The following PHAF1 variants were observed in gnomAD, a reference collection of about 807,000 sequenced individuals.
The protein encoded by PHAF1 is phagophore assembly factor 1, also known as phagosome assembly factor 1.
In PHAF1, 23 loss-of-function variants were observed where a neutral mutation model predicts 63.1. The ratio of observed to expected loss-of-function variants is 0.36; its 90% CI spans 0.26 to 0.52. The LOEUF (loss-of-function observed/expected upper bound fraction) is 0.52, where lower values mean the gene tolerates loss of function less well. PHAF1 is among the 20% of genes least tolerant of loss of function. The pLI, the probability that PHAF1 is intolerant of heterozygous loss-of-function variation, is 0.93. For missense variants in PHAF1, 427 were observed against 517.2 expected (o/e 0.83, Z 1.69); for synonymous variants, 167 against 185.0 (o/e 0.90, Z 0.79).
In PHAF1 at chr16:67,143,843, C is replaced by A. The variant is rs562992873; in HGVS notation, c.880-451C>A. On this transcript the variant is annotated intron_variant, in intron 10 of 15. Coordinates refer to ENST00000219139, the MANE Select transcript of PHAF1 (RefSeq NM_025187.5). ...GTGGCTCACACCTGTAATGCCAGCA[C>A]TTTGGGAGGCCGAGGTGGGCGGATC... Among the ~76,000 whole-genome samples, 28 of 152,176 alleles carry A rather than the reference C, an allele frequency of 1.8e-4. No individual in the cohort carries two copies. In the South Asian group the frequency reaches 5.6e-3, roughly 30 times the overall value.
At chr16:67,144,947 A>G in intron 12 of PHAF1, 70 bp downstream of exon 12, 1 of 1,551,902 alleles carries the variant, frequency 6.4e-7, no homozygotes, top group Non-Finnish European at 8.9e-7. Flanking sequence ...AAAGGGAGAA[A>G]GATCGAAGCA....
intron 3 of PHAF1, among the ~76,000 whole-genome samples, chr16:67,129,323 T>C (rs1053119346): frequency 2.6e-5 from 4 of 152,246 alleles, no homozygotes; most frequent in Admixed American, 6.5e-5. Context: ...GCTTAACTTA[T>C]TGGACCACTT....
At chr16:67,134,611 A>C (rs776498439) in intron 8 of PHAF1, 144 bp downstream of exon 8, 5 of 793,368 alleles carry the variant, frequency 6.3e-6, no homozygotes, top group Non-Finnish European at 1.1e-5. Flanking sequence ...TAAACAACAA[A>C]AATTTATTTC....
At chr16:67,139,748 A>G in intron 8 of PHAF1, 1 of 514,504 alleles carries the variant, frequency 1.9e-6, no homozygotes. Context: ...AAGTGAATGA[A>G]GTATCCAGAG....
At chr16:67,145,340 C>G (rs761743907) in intron 12 of PHAF1, 36 bp from the exon 13 acceptor site, 6 of 1,612,798 alleles carry the variant, frequency 3.7e-6, no homozygotes, top group Admixed American at 3.3e-5. Flanking sequence ...TAGGCTGGGC[C>G]AGCTACAAAT....
chr16:67,132,332 T>G (rs930161820), intron 4 of PHAF1, 114 bp from the exon 5 acceptor site: 5 of 917,452 alleles, frequency 5.4e-6, no homozygotes, highest in Non-Finnish European at 8.4e-6. Flanking sequence ...TATTTTGATA[T>G]AATTAGAGAC....
intron 1 of PHAF1, among the ~76,000 whole-genome samples, chr16:67,119,051 C>T (rs1013087722): frequency 6.6e-6 from 1 of 152,148 alleles, no homozygotes; most frequent in Non-Finnish European, 1.5e-5. Context: ...GTTGGGATTA[C>T]AGGCATGAGC....
At chr16:67,129,990 C>G (rs1253885292) in intron 3 of PHAF1, among the ~76,000 whole-genome samples, 2 of 152,322 alleles carry the variant, frequency 1.3e-5, no homozygotes, top group Middle Eastern at 3.4e-3. Flanking sequence ...TGGGATAGAC[C>G]TCCCCCTCCA....
chr16:67,127,003 C>A (rs2145848894), intron 3 of PHAF1, among the ~76,000 whole-genome samples: 1 of 151,970 alleles, frequency 6.6e-6, no homozygotes, highest in Middle Eastern at 3.4e-3. Flanking sequence ...ATTCTCCTGC[C>A]TCAGCCTCCT....
At chr16:67,113,901 C>T (rs1487966907) in intron 1 of PHAF1, among the ~76,000 whole-genome samples, 1 of 151,874 alleles carries the variant, frequency 6.6e-6, no homozygotes, top group Non-Finnish European at 1.5e-5. Context: ...TGGGGTTTCA[C>T]GATGTTGACC....
At chr16:67,118,078 C>T (rs1352542814) in intron 1 of PHAF1, among the ~76,000 whole-genome samples, 1 of 150,668 alleles carries the variant, frequency 6.6e-6, no homozygotes, top group Non-Finnish European at 1.5e-5. Flanking sequence ...TCTCAGCCTC[C>T]CAAGTAACTA....
intron 1 of PHAF1, among the ~76,000 whole-genome samples, chr16:67,112,295 A>G (rs1353819826): frequency 6.6e-6 from 1 of 151,042 alleles, no homozygotes; most frequent in Non-Finnish European, 1.5e-5. Context: ...TGTAATCCCA[A>G]CACTTTGGGA....
chr16:67,144,408 G>A (rs1963916504), intron 11 of PHAF1, 32 bp downstream of exon 11: 1 of 1,521,050 alleles, frequency 6.6e-7, no homozygotes, highest in Admixed American at 1.7e-5. Context: ...TCCCCTCTGT[G>A]AAGTGAGTTT....
intron 15 of PHAF1, 116 bp from the exon 16 acceptor site, chr16:67,146,929 C>A: frequency 1.0e-6 from 1 of 954,852 alleles, no homozygotes; most frequent in Non-Finnish European, 1.7e-6. Flanking sequence ...GTTGAGGAGT[C>A]GGGAAACCCA....
chr16:67,134,609 A>G (rs1238649948), intron 8 of PHAF1, 142 bp downstream of exon 8: 2 of 799,076 alleles, frequency 2.5e-6, no homozygotes, highest in Non-Finnish European at 4.3e-6. Context: ...GCTAAACAAC[A>G]AAAATTTATT....
intron 3 of PHAF1, among the ~76,000 whole-genome samples, chr16:67,128,780 G>T (rs566963408): frequency 2.0e-5 from 3 of 152,328 alleles, no homozygotes; most frequent in African/African-American, 7.2e-5. Context: ...ACTCCAGGAT[G>T]GCCAGCACTC....
chr16:67,141,819 CAG>C (rs1160841485), intron 10 of PHAF1, among the ~76,000 whole-genome samples: 1 of 152,246 alleles, frequency 6.6e-6, no homozygotes, highest in African/African-American at 2.4e-5. Flanking sequence ...GAGCCCCAAA[CAG>C]GGTGTCACAG....
At chr16:67,133,526 G>C (rs187462002) in intron 6 of PHAF1, among the ~76,000 whole-genome samples, 7,105 of 149,266 alleles carry the variant, frequency 0.048, 486 homozygotes, top group African/African-American at 0.15. Context: ...AAAAAAACAG[G>C]CCGGGCGCAG....
chr16:67,129,705 C>T (rs1963317934), intron 3 of PHAF1, among the ~76,000 whole-genome samples: 1 of 152,218 alleles, frequency 6.6e-6, no homozygotes, highest in South Asian at 2.1e-4. Context: ...CGAGCCCCTA[C>T]CTGTGCTGCT....
Sources: gnomAD v4.1 joint callset for allele counts (sites outside exome capture counted in the v4.1 genomes callset) on GRCh38, gnomAD v4.1.1 for gene constraint, MANE v1.5 for transcripts, NCBI Gene and HGNC (gene_info 2026-07-23, HGNC 2026-07-21) for gene names.